KPNA1: variants seen among roughly 807,000 people sequenced by gnomAD.
The protein encoded by KPNA1 is importin subunit alpha-5.
In KPNA1, 10 loss-of-function variants were observed where a neutral mutation model predicts 70.5. The ratio of observed to expected loss-of-function variants is 0.14; its 90% CI spans 0.09 to 0.24. The LOEUF is 0.24. Ranked by LOEUF, KPNA1 falls within the 10% of genes least tolerant of loss-of-function variation. KPNA1 has a pLI of 1.00. For missense variants in KPNA1, 397 were observed against 637.9 expected (o/e 0.62, Z 4.07); for synonymous variants, 192 against 221.9 (o/e 0.87, Z 1.20).
chr3:122,485,521 G>C (rs147269393), intron 2 of KPNA1, among the ~76,000 whole-genome samples: 1 of 150,776 alleles, frequency 6.6e-6, no homozygotes, highest in Admixed American at 6.6e-5. Flanking sequence ...TCTTTAAAAT[G>C]TTACTTTTGT....
At chr3:122,464,498 T>C (rs144139934) in intron 3 of KPNA1, among the ~76,000 whole-genome samples, 3 of 152,326 alleles carry the variant, frequency 2.0e-5, no homozygotes, top group East Asian at 3.9e-4. Flanking sequence ...TGTAACTTCC[T>C]TGTAAGCCCA....
At chr3:122,463,361 A>C (rs1160433158) in intron 4 of KPNA1, among the ~76,000 whole-genome samples, 1 of 151,526 alleles carries the variant, frequency 6.6e-6, no homozygotes, top group Non-Finnish European at 1.5e-5. Flanking sequence ...AAAAAAAAAA[A>C]AATACAAAAA....
rs2075828573 is a variant in KPNA1 at position 122,426,757 on chromosome 3, G to C, written c.*228C>G. On this transcript the variant is annotated 3_prime_UTR_variant, in exon 14 of 14. Coordinates refer to ENST00000344337, the MANE Select transcript of KPNA1 (RefSeq NM_002264.4). ...AAAGCCTAGGGATTTTTCCGTAAAA[G>C]AGAGTGGGCCGTTCTGGTTACCCTT... 1 of 421,394 alleles carries C rather than the reference G, an allele frequency of 2.4e-6. No individual in the cohort carries two copies. Among genetic ancestry groups the C allele is most frequent in the African/African-American group, 2.0e-5 (1 of 49,604 alleles). 26.1% of individuals were successfully genotyped at this position (421,394 alleles called of 1,614,324 possible). A position where few individuals can be genotyped will look rare whatever the true frequency, so the allele number is the denominator to read the frequency against.
intron 11 of KPNA1, among the ~76,000 whole-genome samples, chr3:122,436,483 C>T (rs923569783): frequency 6.6e-6 from 1 of 152,194 alleles, no homozygotes; most frequent in Non-Finnish European, 1.5e-5. Flanking sequence ...TGTGATGTCT[C>T]CCCCAGACAG....
intron 12 of KPNA1, among the ~76,000 whole-genome samples, chr3:122,431,801 T>C (rs1450172483): frequency 7.0e-6 from 1 of 143,806 alleles, no homozygotes. Context: ...TATTTCTTCT[T>C]CTTCTTTTTT....
In KPNA1 at chr3:122,497,868, C is replaced by T. The variant is rs143660897; in HGVS notation, c.-5-1298G>A. ...ATATAATCTATAGACTGTCTTTTCA[C>T]TTTCTTGGTGTCCTTTAAAACACAG... On this transcript the variant is annotated intron_variant, in intron 1 of 13. Coordinates refer to ENST00000344337, the MANE Select transcript of KPNA1 (RefSeq NM_002264.4). Among the ~76,000 whole-genome samples, 14 of 152,156 alleles carry T rather than the reference C, an allele frequency of 9.2e-5. No individual in the cohort carries two copies. In the East Asian group the frequency reaches 2.5e-3, roughly 27 times the overall value.
Position 122,503,372 on chromosome 3 carries a change from G to A in KPNA1, c.-5-6802C>T, listed in dbSNP as rs546324490. Among the ~76,000 whole-genome samples, 12 of 152,286 alleles carry A rather than the reference G, an allele frequency of 7.9e-5. No individual in the cohort carries two copies. In the South Asian group the frequency reaches 2.3e-3, roughly 29 times the overall value. On this transcript the variant is annotated intron_variant, in intron 1 of 13. Transcript: ENST00000344337. The stretch of plus-strand genomic sequence containing the variant: ...CTCGTGCACTTCTTAAAACGTTTTT[G>A]TAGTTTGAAATGATTCCAAACTTTT...
intron 8 of KPNA1, 65 bp from the exon 9 acceptor site, chr3:122,449,802 T>A: frequency 1.1e-5 from 15 of 1,314,892 alleles, no homozygotes; most frequent in Non-Finnish European, 1.5e-5. Context: ...GGTGAGATAC[T>A]CAAGAAGGCA....
intron 11 of KPNA1, among the ~76,000 whole-genome samples, chr3:122,435,240 ATCTC>A (rs925915333): frequency 2.0e-5 from 3 of 152,122 alleles, no homozygotes; most frequent in Non-Finnish European, 2.9e-5. Context: ...GGATTAGATG[ATCTC>A]TCTGTTTCCA....
chr3:122,479,287 C>A (rs2076542928), intron 2 of KPNA1, among the ~76,000 whole-genome samples: 1 of 152,134 alleles, frequency 6.6e-6, no homozygotes, highest in Non-Finnish European at 1.5e-5. Flanking sequence ...TATATGTTAT[C>A]AGGGAAACGC....
chr3:122,468,991 A>G (rs1370175778), intron 2 of KPNA1, among the ~76,000 whole-genome samples: 1 of 152,234 alleles, frequency 6.6e-6, no homozygotes, highest in African/African-American at 2.4e-5. Flanking sequence ...ATGGAATGGA[A>G]CTATCAGGAG....
chr3:122,480,287 G>GATA (rs151252754), intron 2 of KPNA1, among the ~76,000 whole-genome samples: 1 of 104,770 alleles, frequency 9.5e-6, no homozygotes, highest in Non-Finnish European at 2.3e-5. Context: ...GACTTTGGGT[G>GATA]ACGATGTGTC....
intron 5 of KPNA1, chr3:122,457,688 T>G: frequency 7.9e-7 from 1 of 1,269,834 alleles, no homozygotes; most frequent in Non-Finnish European, 1.0e-6. Flanking sequence ...GTTCCTTAAA[T>G]AAGGAAAATG....
chr3:122,450,290 T>TA (rs2076184573), intron 8 of KPNA1, among the ~76,000 whole-genome samples: 2 of 152,002 alleles, frequency 1.3e-5, no homozygotes. Context: ...ACAAACATAT[T>TA]AAAAAATGCA....
intron 2 of KPNA1, among the ~76,000 whole-genome samples, chr3:122,478,269 C>T (rs1402774964): frequency 1.3e-5 from 2 of 151,834 alleles, no homozygotes; most frequent in Admixed American, 6.6e-5. Context: ...ATCTAAACCA[C>T]AGGTCTTACA....
intron 1 of KPNA1, among the ~76,000 whole-genome samples, chr3:122,512,630 CAGG>C (rs2076967728): frequency 6.6e-6 from 1 of 152,138 alleles, no homozygotes; most frequent in African/African-American, 2.4e-5. Context: ...CAGTCTCAGG[CAGG>C]AGAACTGCTT....
At chr3:122,451,830 A>T (rs1207546511) in intron 7 of KPNA1, 146 bp downstream of exon 7, 1 of 681,610 alleles carries the variant, frequency 1.5e-6, no homozygotes, top group Non-Finnish European at 2.5e-6. Flanking sequence ...GTGCTTGAGG[A>T]AATGATCTAA....
intron 2 of KPNA1, among the ~76,000 whole-genome samples, chr3:122,478,786 T>C (rs2107477109): frequency 6.9e-6 from 1 of 145,168 alleles, no homozygotes; most frequent in Admixed American, 7.0e-5. Flanking sequence ...TCCCAGCTAC[T>C]CTGGAGCTGA....
intron 1 of KPNA1, among the ~76,000 whole-genome samples, chr3:122,498,057 G>A (rs978333823): frequency 6.6e-5 from 10 of 152,080 alleles, no homozygotes; most frequent in Admixed American, 2.0e-4. Flanking sequence ...TTTCTTTGTA[G>A]CATGGTATGA....
Sources: gnomAD v4.1 joint callset for allele counts (sites outside exome capture counted in the v4.1 genomes callset) on GRCh38, gnomAD v4.1.1 for gene constraint, MANE v1.5 for transcripts, NCBI Gene and HGNC (gene_info 2026-07-23, HGNC 2026-07-21) for gene names.